KHDRBS2: variants seen among roughly 807,000 people sequenced by gnomAD.
The protein encoded by KHDRBS2 is KH RNA binding domain containing, signal transduction associated 2.
Under a neutral mutation model 44.3 loss-of-function variants are expected in KHDRBS2, and 26 were observed. The observed-to-expected ratio is 0.59, with a 90% confidence interval of 0.43 to 0.81. The LOEUF is 0.81. KHDRBS2 is among the 40% of genes least tolerant of loss of function. The pLI, the probability that KHDRBS2 is intolerant of heterozygous loss-of-function variation, is 0.00. For missense variants in KHDRBS2, 476 were observed against 433.1 expected, an observed-to-expected ratio of 1.10 and a Z score of -0.88; for synonymous variants, 194 against 151.1, an observed-to-expected ratio of 1.28 and a Z score of -2.08.
chr6:62,101,725 G>A (rs1236187868), intron 2 of KHDRBS2, among the ~76,000 whole-genome samples: 2 of 152,204 alleles, frequency 1.3e-5, no homozygotes, highest in South Asian at 2.1e-4. Context: ...AGAATGGATA[G>A]ATGATCAGTA....
intron 3 of KHDRBS2, among the ~76,000 whole-genome samples, chr6:62,045,661 C>A (rs1000920510): frequency 2.0e-5 from 3 of 151,890 alleles, no homozygotes; most frequent in African/African-American, 7.2e-5. Context: ...TGAACATATG[C>A]CGGTTTGTAT....
At chr6:62,006,196 G>A (rs545671123) in intron 3 of KHDRBS2, among the ~76,000 whole-genome samples, 1 of 151,886 alleles carries the variant, frequency 6.6e-6, no homozygotes, top group African/African-American at 2.4e-5. Flanking sequence ...CCTCTAAAAA[G>A]GATGGACTAT....
chr6:62,093,492 C>T (rs1204232736), intron 2 of KHDRBS2, among the ~76,000 whole-genome samples: 5 of 151,812 alleles, frequency 3.3e-5, no homozygotes, highest in African/African-American at 1.2e-4. Flanking sequence ...GTAATGAGAA[C>T]ATTAAAAAAC....
chr6:61,794,577 T>C (rs1412875519), intron 6 of KHDRBS2, among the ~76,000 whole-genome samples: 1 of 152,110 alleles, frequency 6.6e-6, no homozygotes, highest in Non-Finnish European at 1.5e-5. Flanking sequence ...AATATTTTTT[T>C]CTCTAAAAAT....
At chr6:61,733,785 A>T (rs1344296054) in intron 6 of KHDRBS2, among the ~76,000 whole-genome samples, 1 of 152,124 alleles carries the variant, frequency 6.6e-6, no homozygotes, top group Non-Finnish European at 1.5e-5. Flanking sequence ...ACTCTGAATG[A>T]TTTAGTTTTG....
intron 1 of KHDRBS2, among the ~76,000 whole-genome samples, chr6:62,232,239 G>A (rs1225184291): frequency 6.6e-6 from 1 of 152,066 alleles, no homozygotes; most frequent in African/African-American, 2.4e-5. Flanking sequence ...TAAGCCCCAT[G>A]AAGGAAAGAA....
chr6:61,951,796 A>T (rs1764804361), intron 4 of KHDRBS2, among the ~76,000 whole-genome samples: 1 of 152,080 alleles, frequency 6.6e-6, no homozygotes, highest in South Asian at 2.1e-4. Context: ...CTCAAGTGAC[A>T]TCAGTGTCTC....
At chr6:62,098,443 C>T (rs1801141517) in intron 2 of KHDRBS2, among the ~76,000 whole-genome samples, 1 of 151,932 alleles carries the variant, frequency 6.6e-6, no homozygotes, top group Non-Finnish European at 1.5e-5. Flanking sequence ...TTTGTTTTTC[C>T]TTGAGCACTT....
At chr6:62,018,876 A>G (rs1317683418) in intron 3 of KHDRBS2, among the ~76,000 whole-genome samples, 1 of 152,152 alleles carries the variant, frequency 6.6e-6, no homozygotes, top group East Asian at 1.9e-4. Context: ...TGTTTTAATA[A>G]TATACTTTGT....
chr6:61,901,427 TG>T, intron 4 of KHDRBS2, 56 bp from the exon 5 acceptor site: 9 of 1,338,098 alleles, frequency 6.7e-6, no homozygotes, highest in Non-Finnish European at 8.9e-6. Flanking sequence ...TTCTCAGAGT[TG>T]GAAAAAAAAA....
the KHDRBS2 span, among the ~76,000 whole-genome samples, chr6:61,630,673 A>G: frequency 6.6e-6 from 1 of 152,180 alleles, no homozygotes; most frequent in East Asian, 1.9e-4. Flanking sequence ...GAGGTTTCCT[A>G]GGAGTCCTCA....
At chr6:61,954,086 G>C (rs1331103535) in intron 4 of KHDRBS2, among the ~76,000 whole-genome samples, 1 of 152,130 alleles carries the variant, frequency 6.6e-6, no homozygotes, top group African/African-American at 2.4e-5. Flanking sequence ...TTCTGGCAGA[G>C]GGAGGCTCCA....
intron 2 of KHDRBS2, among the ~76,000 whole-genome samples, chr6:62,062,487 C>G (rs557151236): frequency 1.3e-5 from 2 of 151,986 alleles, no homozygotes; most frequent in Admixed American, 1.3e-4. Context: ...CTCAAAGCCG[C>G]TCAGCTACGT....
the KHDRBS2 span, among the ~76,000 whole-genome samples, chr6:61,590,121 G>A: frequency 0.81 from 122,545 of 152,016 alleles, 49,875 homozygotes; most frequent in African/African-American, 0.91. Context: ...ATGTGTTTTT[G>A]CCCATTTTTT....
chr6:62,233,850 T>C (rs1833270850), intron 1 of KHDRBS2, among the ~76,000 whole-genome samples: 1 of 152,152 alleles, frequency 6.6e-6, no homozygotes, highest in African/African-American at 2.4e-5. Context: ...TATTCCACAG[T>C]GTATATGTAC....
chr6:61,681,175 G>T (rs748686704), intron 8 of KHDRBS2, 115 bp from the exon 9 acceptor site: 3 of 678,780 alleles, frequency 4.4e-6, no homozygotes, highest in Non-Finnish European at 5.2e-6. Flanking sequence ...AACACCGAAC[G>T]CTAAAGCCTA....
chr6:61,760,112 C>T (rs1295288178), intron 6 of KHDRBS2, among the ~76,000 whole-genome samples: 3 of 152,134 alleles, frequency 2.0e-5, no homozygotes, highest in Non-Finnish European at 4.4e-5. Context: ...AAAATGAATG[C>T]TGTATTATTT....
chr6:62,098,036 T>C (rs77776840), intron 2 of KHDRBS2, among the ~76,000 whole-genome samples: 4,432 of 152,206 alleles, frequency 0.029, 226 homozygotes, highest in African/African-American at 0.1. Context: ...TATAATTCTA[T>C]TCCCCCCACA....
At chr6:61,556,877 T>A in the KHDRBS2 span, among the ~76,000 whole-genome samples, 1 of 81,836 alleles carries the variant, frequency 1.2e-5, no homozygotes. Context: ...TTGAGATTTT[T>A]TTTTTTTTTT....
Sources: gnomAD v4.1 joint callset for allele counts (sites outside exome capture counted in the v4.1 genomes callset) on GRCh38, gnomAD v4.1.1 for gene constraint, MANE v1.5 for transcripts, NCBI Gene and HGNC (gene_info 2026-07-23, HGNC 2026-07-21) for gene names.